EMP1: variants seen among roughly 807,000 people sequenced by gnomAD.
The protein encoded by EMP1 is tumor-associated membrane protein.
EMP1 carries 5 observed loss-of-function variants against 15.7 expected under a neutral mutation model. The observed-to-expected ratio is 0.32, with a 90% confidence interval of 0.17 to 0.67. EMP1 has a LOEUF of 0.67. Ranked by LOEUF, EMP1 falls within the 30% of genes least tolerant of loss-of-function variation. The pLI, the probability that EMP1 is intolerant of heterozygous loss-of-function variation, is 0.74. For synonymous variants in EMP1, 78 were observed against 76.7 expected, an observed-to-expected ratio of 1.02 and a Z score of -0.09; for missense variants, 166 against 194.2, an observed-to-expected ratio of 0.85 and a Z score of 0.86.
At chr12:13,197,449 C>T (rs1015122699) in intron 1 of EMP1, among the ~76,000 whole-genome samples, 3 of 151,902 alleles carry the variant, frequency 2.0e-5, no homozygotes, top group African/African-American at 7.3e-5. Flanking sequence ...TTTTTCTCCT[C>T]ACAGGATGGG....
rs533130206 is a variant in EMP1 at position 13,213,799 on chromosome 12, A to G, written c.294A>G (p.Ser98=). ...TMEKGNRFFL[S]GATTLVCWLC... ...AGAAGGGAAACCGGTTCTTCCTCTC[A>G]GGGGCCACCACACTGGTGTGCTGTG... The change falls in exon 4 of 5, where the codon TCA becomes TCG. Residue 98 remains serine, a synonymous_variant. Coordinates refer to ENST00000256951, the MANE Select transcript of EMP1 (RefSeq NM_001423.3). The G allele has an allele frequency of 3.7e-6, 6 of 1,614,090 alleles. No individual in the cohort carries two copies. In the Middle Eastern group the frequency reaches 6.6e-4, roughly 178 times the overall value.
intron 1 of EMP1, chr12:13,199,349 A>G (rs1163833261): frequency 6.6e-6 from 1 of 151,972 alleles, no homozygotes; most frequent in Non-Finnish European, 1.5e-5. Context: ...GGGAATGTAG[A>G]CCCTCTTGGC....
intron 1 of EMP1, among the ~76,000 whole-genome samples, chr12:13,204,189 G>C (rs1666501310): frequency 6.6e-6 from 1 of 152,162 alleles, no homozygotes; most frequent in Admixed American, 6.5e-5. Context: ...CATGAGCTAT[G>C]CAGAGGCCGG....
Position 13,217,165 on chromosome 12 carries a change from A to G in EMP1, c.*2474A>G, listed in dbSNP as rs1864222512. ...ATTCACAAAGGCATGCATCACACCT[A>G]TTTGTAGCAGCCCATTCATTACATA... is the stretch of plus-strand genomic sequence containing the variant. On this transcript the variant is annotated 3_prime_UTR_variant, in exon 5 of 5. Transcript: ENST00000256951. 2 of 152,206 alleles carry G rather than the reference A, an allele frequency of 1.3e-5. No individual in the cohort carries two copies. The highest frequency in any genetic ancestry group is 2.1e-4 in the South Asian group (1 of 4,832). 9.4% of individuals were successfully genotyped at this position (152,206 alleles called of 1,614,324 possible).
rs751844056 is a variant in EMP1 at position 13,214,579 on chromosome 12, C to T, written c.362C>T (p.Ala121Val). 3.3e-5 allele frequency: 54 copies of T among 1,613,876 alleles called. No individual in the cohort carries two copies. Among genetic ancestry groups the T allele is most frequent in the East Asian group, 8.9e-5 (4 of 44,892 alleles). Reference sequence around the variant, plus strand: ...GTGTCCATCTACACTAGTCATTATGCGAATCGTGATGGAACGCAGTATCAC... The same window carrying T: ...GTGTCCATCTACACTAGTCATTATGTGAATCGTGATGGAACGCAGTATCAC... ...VGVSIYTSHYANRDGTQYHHG... is the reference protein window; with the variant it reads ...VGVSIYTSHYVNRDGTQYHHG... Residue 121 changes from alanine to valine, a missense_variant, in exon 5 of 5, where the codon GCG becomes GTG. Ala to Val is a moderately conservative substitution (Grantham distance 64, BLOSUM62 0). Transcript: ENST00000256951.
In EMP1 at chr12:13,200,969, G is replaced by A. The variant is rs899588639; in HGVS notation, c.-43+4097G>A. On this transcript the variant is annotated intron_variant, in intron 1 of 4. Transcript: ENST00000256951. ...CCCTTTCAGCACAGGTTGAAAGCGT[G>A]GCAAGAATCCTGGAGCAGATGTAAG... 3.3e-5 allele frequency among the ~76,000 whole-genome samples: 5 copies of A among 152,314 alleles called. No individual in the cohort carries two copies. In the East Asian group the frequency reaches 9.6e-4, roughly 29 times the overall value.
At chr12:13,197,121 A>G (rs1434506336) in intron 1 of EMP1, among the ~76,000 whole-genome samples, 1 of 152,192 alleles carries the variant, frequency 6.6e-6, no homozygotes, top group African/African-American at 2.4e-5. Context: ...ATGGGGCTAA[A>G]ATCGTGCCTG....
intron 1 of EMP1, among the ~76,000 whole-genome samples, chr12:13,208,558 T>C (rs1864134057): frequency 6.6e-6 from 1 of 152,188 alleles, no homozygotes; most frequent in Admixed American, 6.5e-5. Flanking sequence ...TGACAGTGAA[T>C]GATATTAGTA....
At chr12:13,201,109 C>T (rs941136522) in intron 1 of EMP1, among the ~76,000 whole-genome samples, 3 of 152,138 alleles carry the variant, frequency 2.0e-5, no homozygotes, top group African/African-American at 7.2e-5. Context: ...TTCTTTCAGA[C>T]CCCTTATGGC....
At chr12:13,205,771 T>C (rs568516001) in intron 1 of EMP1, among the ~76,000 whole-genome samples, 91 of 152,372 alleles carry the variant, frequency 6.0e-4, no homozygotes, top group African/African-American at 1.9e-3. Context: ...CCTATGGATC[T>C]GGGAAGGCTT....
At chr12:13,201,600 T>A (rs1239791006) in intron 1 of EMP1, among the ~76,000 whole-genome samples, 2 of 152,188 alleles carry the variant, frequency 1.3e-5, no homozygotes, top group African/African-American at 4.8e-5. Context: ...TTGCAGAGGA[T>A]TCTCGTCTCC....
At chr12:13,205,185 C>T (rs1249809567) in intron 1 of EMP1, among the ~76,000 whole-genome samples, 1 of 152,164 alleles carries the variant, frequency 6.6e-6, no homozygotes. Flanking sequence ...TTTTAAAGAC[C>T]TCCCTCTTCA....
intron 1 of EMP1, among the ~76,000 whole-genome samples, chr12:13,201,959 G>A (rs1310821732): frequency 6.7e-6 from 1 of 149,678 alleles, no homozygotes; most frequent in Non-Finnish European, 1.5e-5. Flanking sequence ...GGAACAGTTT[G>A]AGAGGAGGAA....
At position 13,213,729 on chromosome 12, in the gene EMP1, G is replaced by A. The variant is rs1210240158; in HGVS notation, c.224G>A (p.Cys75Tyr). Residue 75 changes from cysteine (C) to tyrosine (Y), a missense_variant, in exon 4 of 5, where the codon TGT becomes TAT. Physicochemically the swap from Cys to Tyr is radical, Grantham distance 194. Transcript: ENST00000256951. Reference sequence around the variant, plus strand: ...TTCATGATTCTCTCTATCATCTTCTGTGTCATTGCCCTCCTGGTCTTCGTG... The same window carrying A: ...TTCATGATTCTCTCTATCATCTTCTATGTCATTGCCCTCCTGGTCTTCGTG... ...QAFMILSIIF[C>Y]VIALLVFVFQ... is the part of the protein sequence containing the mutation. 1 of 1,614,030 alleles carries A rather than the reference G, an allele frequency of 6.2e-7. No homozygotes were observed. The highest frequency in any genetic ancestry group is 8.5e-7 in the Non-Finnish European group (1 of 1,180,050).
chr12:13,205,271 G>C (rs1864101466), intron 1 of EMP1, among the ~76,000 whole-genome samples: 1 of 152,132 alleles, frequency 6.6e-6, no homozygotes, highest in African/African-American at 2.4e-5. Flanking sequence ...AGAAATTTAA[G>C]ACATTTTCTT....
intron 2 of EMP1, among the ~76,000 whole-genome samples, chr12:13,213,002 T>A (rs1395236932): frequency 6.6e-6 from 1 of 152,256 alleles, no homozygotes; most frequent in East Asian, 1.9e-4. Flanking sequence ...AACCACTAGA[T>A]TCATTGTTAT....
intron 1 of EMP1, among the ~76,000 whole-genome samples, chr12:13,197,796 G>GA (rs1007546656): frequency 1.3e-4 from 19 of 151,696 alleles, no homozygotes; most frequent in South Asian, 4.2e-4. Flanking sequence ...AAAAGAAAAA[G>GA]AAAAAAAATG....
intron 2 of EMP1, 42 bp from the exon 3 acceptor site, chr12:13,213,437 G>A (rs767848181): frequency 6.4e-7 from 1 of 1,558,854 alleles, no homozygotes; most frequent in East Asian, 2.2e-5. Context: ...TTAAATCAGA[G>A]GGCCAGCTTT....
At chr12:13,207,902 C>G (rs754183407) in intron 1 of EMP1, among the ~76,000 whole-genome samples, 3 of 152,158 alleles carry the variant, frequency 2.0e-5, no homozygotes, top group Non-Finnish European at 4.4e-5. Flanking sequence ...CTGTTATGAG[C>G]GTTCCCCTAC....
Sources: allele counts gnomAD v4.1 joint callset (sites outside exome capture counted in the v4.1 genomes callset), GRCh38; gene constraint gnomAD v4.1.1; transcripts MANE v1.5; gene names NCBI Gene and HGNC (gene_info 2026-07-23, HGNC 2026-07-21).